MOG: variants seen among roughly 807,000 people sequenced by gnomAD.
MOG encodes myelin-oligodendrocyte glycoprotein.
In MOG, 20 loss-of-function variants were observed where a neutral mutation model predicts 35.9. The observed-to-expected ratio is 0.56, with a 90% confidence interval of 0.39 to 0.81. The LOEUF is 0.81. MOG is among the 30% of genes least tolerant of loss of function. MOG has a pLI of 0.00. For missense variants in MOG, 251 were observed against 301.0 expected (o/e 0.83, Z 1.23); for synonymous variants, 92 against 114.3 (o/e 0.80, Z 1.25).
At chr6:29,667,834 A>G (rs1770554703) in intron 4 of MOG, 70 bp from the exon 5 acceptor site, 25 of 1,588,348 alleles carry the variant, frequency 1.6e-5, no homozygotes, top group Non-Finnish European at 2.0e-5. Flanking sequence ...TAATTAAATA[A>G]CAAAGACTCA....
chr6:29,661,835 A>C, intron 2 of MOG: 5 of 984,758 alleles, frequency 5.1e-6, no homozygotes, highest in Non-Finnish European at 6.0e-6. Context: ...AAAAAAAAAA[A>C]AAACAAGGAA....
intron 1 of MOG, 57 bp from the exon 2 acceptor site, chr6:29,659,262 C>G: frequency 6.4e-7 from 1 of 1,556,438 alleles, no homozygotes; most frequent in Non-Finnish European, 8.9e-7. Flanking sequence ...TCATGACAGG[C>G]TTGCTTGCCA....
Position 29,670,473 on chromosome 6 carries a change from G to T in MOG, c.709+76G>T. ...CAGCTCTGAATGGGAAGCCAAAAGA[G>T]AATAGAACCAGGACTCAAGATTAGG... is the stretch of plus-strand genomic sequence containing the variant. On this transcript the variant is annotated intron_variant, in intron 6 of 7. Coordinates refer to ENST00000376917, the MANE Select transcript of MOG (RefSeq NM_206809.4). The surrounding 1 kb of genome is among the most constrained non-coding windows in gnomAD (Gnocchi z 4.2). 6.5e-7 allele frequency: 1 copy of T among 1,536,262 alleles called. No individual in the cohort carries two copies. Among genetic ancestry groups the T allele is most frequent in the South Asian group, 1.1e-5 (1 of 89,494 alleles).
Position 29,670,975 on chromosome 6 carries a change from C to G in MOG, c.731-197C>G, listed in dbSNP as rs1771354525. 1.9e-6 allele frequency: 3 copies of G among 1,611,726 alleles called. No homozygotes were observed. In the Admixed American group the frequency reaches 5.0e-5, roughly 27 times the overall value. On this transcript the variant is annotated intron_variant, in intron 7 of 7. Coordinates refer to ENST00000376917, the MANE Select transcript of MOG (RefSeq NM_206809.4). This position sits in a 1 kb window ranked among gnomAD's most constrained non-coding sequence, Gnocchi z 4.2. ...ACCTGATCCATTCCTCCTTCACTGC[C>G]CCTAAGCAGGAATCCAACCCTAGCT...
At position 29,670,456 on chromosome 6, in the gene MOG, A is replaced by C; in HGVS notation, c.709+59A>C. 2 of 1,562,842 alleles carry C rather than the reference A, an allele frequency of 1.3e-6. No homozygotes were observed. The highest frequency in any genetic ancestry group is 2.2e-5 in the South Asian group (2 of 89,990). On this transcript the variant is annotated intron_variant, in intron 6 of 7. Coordinates refer to ENST00000376917, the MANE Select transcript of MOG (RefSeq NM_206809.4). The surrounding 1 kb of genome is among the most constrained non-coding windows in gnomAD (Gnocchi z 4.2). ...ATAGTGGGGGACCAAGTCAGCTCTG[A>C]ATGGGAAGCCAAAAGAGAATAGAAC...
intron 2 of MOG, among the ~76,000 whole-genome samples, chr6:29,661,096 A>G (rs1359668708): frequency 2.6e-5 from 4 of 152,226 alleles, no homozygotes; most frequent in African/African-American, 4.8e-5. Context: ...AGATGTGGAC[A>G]AGGTGAAGCC....
Position 29,657,267 on chromosome 6 carries a change from C to T in MOG, c.58C>T (p.Leu20Phe). The change falls in exon 1 of 8, where the codon CTC (leucine) becomes TTC (phenylalanine). Residue 20 changes from leucine to phenylalanine, a missense_variant. Transcript: ENST00000376917. ...PSCLCSFLLL[L>F]LLQVSSSYAG... ...CTGCCTCTGCTCCTTCCTCCTCCTC[C>T]TCCTCCTCCAAGTGTCTTCCAGCTA... 1 of 1,607,024 alleles carries T rather than the reference C, an allele frequency of 6.2e-7. No individual in the cohort carries two copies. Among genetic ancestry groups the T allele is most frequent in the Non-Finnish European group, 8.5e-7 (1 of 1,176,876 alleles).
At chr6:29,663,504 C>G (rs888001853) in intron 2 of MOG, among the ~76,000 whole-genome samples, 1 of 152,088 alleles carries the variant, frequency 6.6e-6, no homozygotes, top group Non-Finnish European at 1.5e-5. Context: ...TTCCCAGGGT[C>G]TGAATTTTGT....
At chr6:29,665,732 T>TGGTAAAGGG (rs1431585613) in intron 2 of MOG, among the ~76,000 whole-genome samples, 1 of 131,630 alleles carries the variant, frequency 7.6e-6, no homozygotes, top group African/African-American at 3.5e-5. Context: ...TTGAACTACA[T>TGGTAAAGGG]ATTTGAAATA....
In MOG at chr6:29,657,312, T is replaced by C; in HGVS notation, c.88+15T>C. ...CAGCTATGCAGGTAAGACATGTTTT[T>C]TTTCCTGCCCTGGGGAGACCCTGAA... On this transcript the variant is annotated intron_variant, in intron 1 of 7. Coordinates refer to ENST00000376917, the MANE Select transcript of MOG (RefSeq NM_206809.4). 1.9e-6 allele frequency: 3 copies of C among 1,558,008 alleles called. No homozygotes were observed. Among genetic ancestry groups the C allele is most frequent in the Non-Finnish European group, 2.6e-6 (3 of 1,146,088 alleles).
At position 29,659,458 on chromosome 6, in the gene MOG, G is replaced by A. The variant is rs962931149; in HGVS notation, c.228G>A (p.Val76=). 1.2e-6 allele frequency: 2 copies of A among 1,613,044 alleles called. No individual in the cohort carries two copies. Among genetic ancestry groups the A allele is most frequent in the African/African-American group, 2.7e-5 (2 of 75,020 alleles). Residue 76 remains valine, a synonymous_variant, in exon 2 of 8, where the codon GTG becomes GTA. Transcript: ENST00000376917. ...GGTACCGCCCCCCCTTCTCTAGGGT[G>A]GTTCATCTCTACAGAAATGGCAAGG... ...VGWYRPPFSR[V]VHLYRNGKDQ...
chr6:29,659,908 T>C (rs1460604656), intron 2 of MOG: 1 of 601,414 alleles, frequency 1.7e-6, no homozygotes, highest in East Asian at 2.8e-5. Context: ...GAATGAACAA[T>C]GGTAGCCATA....
intron 2 of MOG, chr6:29,664,670 T>C (rs986629260): frequency 4.4e-6 from 2 of 451,588 alleles, no homozygotes; most frequent in Non-Finnish European, 8.9e-6. Context: ...AGTGGCACGA[T>C]CATGGCTCAT....
In MOG at chr6:29,671,800, A is replaced by G; in HGVS notation, c.*615A>G. The G allele has an allele frequency of 2.8e-6, 1 of 351,972 alleles. No homozygotes were observed. Among genetic ancestry groups the G allele is most frequent in the East Asian group, 4.7e-5 (1 of 21,462 alleles). The allele number at this position is 351,972 out of a possible 1,614,324, so 21.8% of individuals were successfully genotyped here. On this transcript the variant is annotated 3_prime_UTR_variant, in exon 8 of 8. Coordinates refer to ENST00000376917, the MANE Select transcript of MOG (RefSeq NM_206809.4). ...CAGCCTACTAGGGACCTGGGGAAGC[A>G]AAAACGAAAGCTGGGCAACATGCCT...
In MOG at chr6:29,670,836, A is replaced by G; in HGVS notation, c.730+115A>G. On this transcript the variant is annotated intron_variant, in intron 7 of 7. Coordinates refer to ENST00000376917, the MANE Select transcript of MOG (RefSeq NM_206809.4). This position sits in a 1 kb window ranked among gnomAD's most constrained non-coding sequence, Gnocchi z 4.2. Reference sequence around the variant, plus strand: ...GATCACATTCCCAGAGGAAAGGAGGAGCTGGAGAGCCTGGGTGGAGGGAAG... The same window carrying G: ...GATCACATTCCCAGAGGAAAGGAGGGGCTGGAGAGCCTGGGTGGAGGGAAG... 1 of 1,580,936 alleles carries G rather than the reference A, an allele frequency of 6.3e-7. No homozygotes were observed. Among genetic ancestry groups the G allele is most frequent in the Admixed American group, 1.9e-5 (1 of 53,736 alleles).
intron 5 of MOG, among the ~76,000 whole-genome samples, chr6:29,668,632 T>G (rs2535246): frequency 0.17 from 26,235 of 151,984 alleles, 2,484 homozygotes; most frequent in Admixed American, 0.24. Flanking sequence ...GCACACAGAG[T>G]TCTATCGTAC....
In MOG at chr6:29,662,173, A is replaced by G; in HGVS notation, c.436+2507A>G. 1.0e-6 allele frequency: 1 copy of G among 984,932 alleles called. No individual in the cohort carries two copies. The highest frequency in any genetic ancestry group is 1.2e-6 in the Non-Finnish European group (1 of 829,668). 61.0% of individuals were successfully genotyped at this position (984,932 alleles called of 1,614,324 possible). A position where few individuals can be genotyped will look rare whatever the true frequency, so the allele number is the denominator to read the frequency against. On this transcript the variant is annotated intron_variant, in intron 2 of 7. Transcript: ENST00000376917. This position sits in a 1 kb window ranked among gnomAD's most constrained non-coding sequence, Gnocchi z 4.2. ...CTAGTTGTCTCTAATCCTTTCTTTA[A>G]ATTCTTCATTATGAAACATAAAAAC... is the stretch of plus-strand genomic sequence containing the variant.
At chr6:29,664,606 A>ATTTT in intron 2 of MOG, 9 of 418,188 alleles carry the variant, frequency 2.2e-5, no homozygotes, top group Non-Finnish European at 3.3e-5. Flanking sequence ...CCATCTCAGA[A>ATTTT]TTTTTTTTTT....
intron 2 of MOG, among the ~76,000 whole-genome samples, chr6:29,660,637 T>A (rs1768452243): frequency 6.7e-6 from 1 of 150,100 alleles, no homozygotes; most frequent in South Asian, 2.1e-4. Context: ...TGTCTAAATA[T>A]AATTATAGAA....
Sources: allele counts gnomAD v4.1 joint callset (sites outside exome capture counted in the v4.1 genomes callset), GRCh38; gene constraint gnomAD v4.1.1; non-coding constraint Gnocchi (gnomAD v3.1); transcripts MANE v1.5; gene names NCBI Gene and HGNC (gene_info 2026-07-23, HGNC 2026-07-21).